ADGRV1: variants seen among roughly 807,000 people sequenced by gnomAD.
ADGRV1 encodes adhesion G protein-coupled receptor V1, also known as G-protein coupled receptor 98.
Under a neutral mutation model 596.2 loss-of-function variants are expected in ADGRV1, and 359 were observed. The ratio of observed to expected loss-of-function variants is 0.60; its 90% confidence interval spans 0.55 to 0.66. ADGRV1 has a LOEUF of 0.66. Ranked by LOEUF, ADGRV1 falls within the 30% of genes least tolerant of loss-of-function variation. The probability of loss-of-function intolerance (pLI) is 0.00; values close to 1 mark genes in which losing one functional copy is unlikely to be tolerated. For missense variants in ADGRV1, 7,274 were observed against 7,575.6 expected (o/e 0.96, Z 1.48); for synonymous variants, 2,681 against 2,679.2 (o/e 1.00, Z -0.02).
At chr5:90,803,583 G>T (rs1307114986) in intron 71 of ADGRV1, among the ~76,000 whole-genome samples, 1 of 152,126 alleles carries the variant, frequency 6.6e-6, no homozygotes, top group Non-Finnish European at 1.5e-5. Flanking sequence ...AGATGAATGG[G>T]CAGGAATATG....
chr5:90,858,472 T>C (rs1581344968), intron 82 of ADGRV1, among the ~76,000 whole-genome samples: 1 of 151,962 alleles, frequency 6.6e-6, no homozygotes, highest in East Asian at 1.9e-4. Context: ...TATAGTCTTG[T>C]AATCTTTTTT....
intron 85 of ADGRV1, among the ~76,000 whole-genome samples, chr5:91,062,051 C>T (rs1172246044): frequency 6.6e-6 from 1 of 152,154 alleles, no homozygotes; most frequent in East Asian, 1.9e-4. Flanking sequence ...CTCAGGAAAC[C>T]TAGAACTAGC....
At chr5:90,780,769 T>G (rs1219458651) in intron 64 of ADGRV1, among the ~76,000 whole-genome samples, 1 of 152,134 alleles carries the variant, frequency 6.6e-6, no homozygotes, top group Non-Finnish European at 1.5e-5. Context: ...GGCACAATCA[T>G]AGCTCACTGC....
chr5:91,078,799 T>G (rs1789073707), intron 86 of ADGRV1, among the ~76,000 whole-genome samples: 1 of 152,210 alleles, frequency 6.6e-6, no homozygotes, highest in Non-Finnish European at 1.5e-5. Flanking sequence ...CACACAGAGT[T>G]GAAAACCTGC....
At chr5:91,071,595 G>A (rs1788393002) in intron 85 of ADGRV1, among the ~76,000 whole-genome samples, 1 of 152,288 alleles carries the variant, frequency 6.6e-6, no homozygotes, top group African/African-American at 2.4e-5. Context: ...AATGCTGTAT[G>A]TGAATTATTT....
Position 90,919,151 on chromosome 5 carries a change from C to G in ADGRV1, c.17857-46264C>G, listed in dbSNP as rs555401699. ...ATATTTTCCAGCTGCTATTAGCTTC[C>G]TTCCTGTCACCCAGATCAAGAACCA... is the stretch of plus-strand genomic sequence containing the variant. On this transcript the variant is annotated intron_variant, in intron 83 of 89. Transcript: ENST00000405460. 2.0e-5 allele frequency among the ~76,000 whole-genome samples: 3 copies of G among 152,302 alleles called. No homozygotes were observed. In the East Asian group the frequency reaches 5.8e-4, roughly 29 times the overall value.
At chr5:91,143,570 A>G (rs962936740) in intron 87 of ADGRV1, among the ~76,000 whole-genome samples, 1 of 152,216 alleles carries the variant, frequency 6.6e-6, no homozygotes, top group Non-Finnish European at 1.5e-5. Flanking sequence ...CGTCCCATCA[A>G]GTGCTCAAGG....
intron 50 of ADGRV1, among the ~76,000 whole-genome samples, chr5:90,731,723 G>T (rs190189872): frequency 6.6e-6 from 1 of 152,188 alleles, no homozygotes; most frequent in African/African-American, 2.4e-5. Context: ...GCAGGCACAT[G>T]GTGCGCCTGT....
chr5:90,631,603 G>A (rs1490807728), intron 9 of ADGRV1, among the ~76,000 whole-genome samples: 5 of 152,114 alleles, frequency 3.3e-5, no homozygotes, highest in South Asian at 4.2e-4. Flanking sequence ...CATGTGATGC[G>A]AGCTTCTGCC....
At chr5:90,703,992 A>G (rs1290484108) in intron 35 of ADGRV1, among the ~76,000 whole-genome samples, 197 bp downstream of exon 35, 2 of 152,118 alleles carry the variant, frequency 1.3e-5, no homozygotes, top group Admixed American at 6.5e-5. Context: ...CCAAGCCAAT[A>G]TTACCCTCTG....
At chr5:90,695,021 A>T (rs1212764308) in intron 33 of ADGRV1, among the ~76,000 whole-genome samples, 2 of 152,176 alleles carry the variant, frequency 1.3e-5, no homozygotes, top group Non-Finnish European at 2.9e-5. Context: ...CTAATTTTGT[A>T]AGGGAAATTT....
intron 1 of ADGRV1, among the ~76,000 whole-genome samples, chr5:90,564,883 C>T (rs1426900554): frequency 7.6e-5 from 2 of 26,428 alleles, no homozygotes; most frequent in East Asian, 2.1e-3. Flanking sequence ...GCCTCGGCCT[C>T]CCAAAGTGCT....
At chr5:90,566,491 C>CT (rs148673820) in intron 1 of ADGRV1, among the ~76,000 whole-genome samples, 14 of 152,158 alleles carry the variant, frequency 9.2e-5, no homozygotes, top group African/African-American at 3.4e-4. Flanking sequence ...GGACTCAACT[C>CT]TATTTTGTTG....
chr5:90,741,931 G>C (rs1336633317), intron 50 of ADGRV1, among the ~76,000 whole-genome samples: 1 of 152,108 alleles, frequency 6.6e-6, no homozygotes, highest in Non-Finnish European at 1.5e-5. Flanking sequence ...TCTGGTTAAT[G>C]ACTTGACAGA....
At position 90,829,033 on chromosome 5, in the gene ADGRV1, T is replaced by C. The variant is rs1159539409; in HGVS notation, c.16458T>C (p.Ile5486=). ...AINNSARFAQ[I]KILESDESQS... Reference sequence around the variant, plus strand: ...ACAACAGTGCCAGATTCGCACAGATTAAAATCTTAGAAAGTGATGAATCTC... The same window carrying C: ...ACAACAGTGCCAGATTCGCACAGATCAAAATCTTAGAAAGTGATGAATCTC... Residue 5486 remains isoleucine (I), a synonymous_variant, in exon 77 of 90, where the codon ATT becomes ATC. Transcript: ENST00000405460. 2 of 1,612,604 alleles carry C rather than the reference T, an allele frequency of 1.2e-6. No homozygotes were observed. The highest frequency in any genetic ancestry group is 1.7e-6 in the Non-Finnish European group (2 of 1,179,134).
intron 57 of ADGRV1, among the ~76,000 whole-genome samples, chr5:90,758,281 C>T (rs555203347): frequency 1.1e-3 from 173 of 151,882 alleles, no homozygotes; most frequent in African/African-American, 4.0e-3. Flanking sequence ...TGCAGTGAGC[C>T]GAGATTGCAC....
chr5:90,852,169 A>G (rs1449958738), intron 79 of ADGRV1, among the ~76,000 whole-genome samples: 1 of 152,192 alleles, frequency 6.6e-6, no homozygotes, highest in Non-Finnish European at 1.5e-5. Context: ...CAATTCAGGT[A>G]TTTGAAGGCA....
Position 90,674,243 on chromosome 5 carries a change from C to T in ADGRV1, c.5110+9C>T, listed in dbSNP as rs1477375719. 2 of 1,552,206 alleles carry T rather than the reference C, an allele frequency of 1.3e-6. No individual in the cohort carries two copies. The highest frequency in any genetic ancestry group is 1.7e-6 in the Non-Finnish European group (2 of 1,151,356). On this transcript the variant is annotated intron_variant, in intron 23 of 89. Coordinates refer to ENST00000405460, the MANE Select transcript of ADGRV1 (RefSeq NM_032119.4). The stretch of plus-strand genomic sequence containing the variant: ...TAGTGATCATCCATATGGTAACCTG[C>T]TCCTTTTGCAAGAAAAATCCTCTCT...
chr5:90,658,191 G>T lies in ADGRV1; in HGVS notation c.4665G>T (p.Ser1555=). The T allele has an allele frequency of 6.3e-7, 1 of 1,583,984 alleles. No individual in the cohort carries two copies. Among genetic ancestry groups the T allele is most frequent in the South Asian group, 1.2e-5 (1 of 85,330 alleles). ...CTGTATATGGAGGAGCTCGTATTTC[G>T]GAAGAAAATACTACTGCAAGATTAA... is the stretch of plus-strand genomic sequence containing the variant. The part of the protein sequence containing the change: ...LVSVYGGARI[S]EENTTARLTI... Residue 1555 remains serine, a synonymous_variant, in exon 21 of 90, where the codon TCG becomes TCT. Transcript: ENST00000405460.
Sources: allele counts gnomAD v4.1 joint callset (sites outside exome capture counted in the v4.1 genomes callset), GRCh38; gene constraint gnomAD v4.1.1; transcripts MANE v1.5; gene names NCBI Gene and HGNC (gene_info 2026-07-23, HGNC 2026-07-21).